PIWIL4: variants seen among roughly 807,000 people sequenced by gnomAD.
The protein encoded by PIWIL4 is piwi like RNA-mediated gene silencing 4, also known as piwi-like protein 4.
A neutral mutation model predicts 100.9 loss-of-function variants in PIWIL4; 50 were observed. The ratio of observed to expected loss-of-function variants is 0.50; its 90% CI spans 0.39 to 0.63. The LOEUF (loss-of-function observed/expected upper bound fraction) is 0.63, where lower values mean the gene tolerates loss of function less well. PIWIL4 is among the 20% of genes least tolerant of loss of function. The probability of loss-of-function intolerance (pLI) is 0.00; values close to 1 mark genes in which losing one functional copy is unlikely to be tolerated. For missense variants in PIWIL4, 887 were observed against 1,043.3 expected (o/e 0.85, Z 2.06); for synonymous variants, 342 against 367.5 (o/e 0.93, Z 0.79).
Position 94,595,532 on chromosome 11 carries a change from T to G in PIWIL4, c.1268+106T>G, listed in dbSNP as rs1159239088. 4.3e-6 allele frequency: 4 copies of G among 929,500 alleles called. No homozygotes were observed. In the African/African-American group the frequency reaches 6.6e-5, roughly 15 times the overall value. The allele number at this position is 929,500 out of a possible 1,614,324, so 57.6% of individuals were successfully genotyped here. On this transcript the variant is annotated intron_variant, in intron 10 of 19. Transcript: ENST00000299001. ...AAGGAAATGTGTCATTCATATTGAT[T>G]CAGAGCAAGGAGCTTTTGAATTGTG...
chr11:94,608,752 G>T lies in PIWIL4; in HGVS notation c.1943+66G>T, dbSNP rs1392321800. ...GACTATTAATTGTGGTTTCACTAAA[G>T]AATGTAACAGCAAGGAATATTTTGT... is the stretch of plus-strand genomic sequence containing the variant. On this transcript the variant is annotated intron_variant, in intron 15 of 19. Transcript: ENST00000299001. The T allele has an allele frequency of 3.1e-6, 4 of 1,311,266 alleles. No homozygotes were observed. The African/African-American group carries it at 5.8e-5, about 19-fold the overall frequency. 81.2% of individuals were successfully genotyped at this position (1,311,266 alleles called of 1,614,324 possible).
intron 2 of PIWIL4, among the ~76,000 whole-genome samples, chr11:94,574,084 TAA>T (rs1948201802): frequency 6.6e-6 from 1 of 152,200 alleles, no homozygotes; most frequent in Non-Finnish European, 1.5e-5. Flanking sequence ...TGTATTTTTA[TAA>T]AGTTATTTTC....
chr11:94,599,223 A>G (rs1209679344), intron 11 of PIWIL4, among the ~76,000 whole-genome samples: 2 of 152,336 alleles, frequency 1.3e-5, no homozygotes, highest in Admixed American at 1.3e-4. Context: ...GATCCATCTC[A>G]TAATTTCTAT....
intron 9 of PIWIL4, among the ~76,000 whole-genome samples, chr11:94,594,193 G>A (rs7942209): frequency 0.06 from 9,119 of 152,164 alleles, 335 homozygotes; most frequent in Middle Eastern, 0.099. Flanking sequence ...AAGGGCCGGC[G>A]TGGTGGCTCA....
chr11:94,570,566 G>GGT, intron 2 of PIWIL4, among the ~76,000 whole-genome samples: 1 of 152,018 alleles, frequency 6.6e-6, no homozygotes, highest in East Asian at 1.9e-4. Context: ...AATTTTGGGG[G>GGT]AACACAGTGT....
rs1179295187 is a variant in PIWIL4, at chr11:94,567,395, G to C, written c.-124G>C. The C allele has an allele frequency of 1.1e-6, 1 of 880,238 alleles. No individual in the cohort carries two copies. Among genetic ancestry groups the C allele is most frequent in the African/African-American group, 1.7e-5 (1 of 58,894 alleles). The allele number at this position is 880,238 out of a possible 1,614,324, so 54.5% of individuals were successfully genotyped here. On this transcript the variant is annotated 5_prime_UTR_variant, in exon 1 of 20. Transcript: ENST00000299001. ...ATTTCCAGCCCCGGCGTTGGTTGTG[G>C]ATGCTGGACATCCACCGCCTCCAGG...
chr11:94,604,595 A>C (rs1948691234), intron 13 of PIWIL4, among the ~76,000 whole-genome samples: 1 of 152,242 alleles, frequency 6.6e-6, no homozygotes, highest in Non-Finnish European at 1.5e-5. Context: ...TTTGGGGCCA[A>C]GGCATGATTA....
intron 9 of PIWIL4, among the ~76,000 whole-genome samples, chr11:94,594,414 C>T (rs905028092): frequency 6.7e-6 from 1 of 150,250 alleles, no homozygotes. Context: ...TGCAGTGAGC[C>T]GCGATCACGC....
intron 12 of PIWIL4, 29 bp from the exon 13 acceptor site, chr11:94,603,955 A>G (rs1591798026): frequency 1.4e-6 from 2 of 1,471,656 alleles, no homozygotes; most frequent in East Asian, 2.3e-5. Context: ...AGGAAGTTAC[A>G]TAGCTTCAAA....
intron 12 of PIWIL4, among the ~76,000 whole-genome samples, chr11:94,603,203 C>A (rs576054935): frequency 4.6e-5 from 7 of 150,990 alleles, no homozygotes; most frequent in African/African-American, 7.4e-5. Context: ...GTTGCTGAGA[C>A]GGTTCGGCCA....
intron 2 of PIWIL4, among the ~76,000 whole-genome samples, chr11:94,572,998 C>A (rs1449448206): frequency 6.6e-6 from 1 of 152,162 alleles, no homozygotes; most frequent in Non-Finnish European, 1.5e-5. Context: ...TTGAAGAGGT[C>A]ATTCACATCC....
At chr11:94,591,951 G>C (rs1021712177) in intron 8 of PIWIL4, among the ~76,000 whole-genome samples, 1 of 151,396 alleles carries the variant, frequency 6.6e-6, no homozygotes, top group African/African-American at 2.5e-5. Context: ...TAGAGTTCTT[G>C]ACCATGCTCC....
intron 12 of PIWIL4, among the ~76,000 whole-genome samples, chr11:94,602,627 GT>G (rs1948658512): frequency 6.6e-6 from 1 of 152,120 alleles, no homozygotes; most frequent in Non-Finnish European, 1.5e-5. Flanking sequence ...AATAAATACT[GT>G]TTTGCTTTAG....
At chr11:94,614,370 C>A (rs1045268678) in intron 15 of PIWIL4, among the ~76,000 whole-genome samples, 1 of 140,858 alleles carries the variant, frequency 7.1e-6, no homozygotes. Flanking sequence ...TGTGGTGGTG[C>A]GATCTCAGCT....
At chr11:94,570,435 C>CA (rs1306327167) in intron 2 of PIWIL4, among the ~76,000 whole-genome samples, 1 of 151,914 alleles carries the variant, frequency 6.6e-6, no homozygotes, top group Non-Finnish European at 1.5e-5. Context: ...CTTATGACAA[C>CA]AGTCATACTG....
intron 4 of PIWIL4, among the ~76,000 whole-genome samples, chr11:94,577,751 T>C (rs1222031205): frequency 6.6e-6 from 1 of 152,230 alleles, no homozygotes; most frequent in Non-Finnish European, 1.5e-5. Context: ...ACCACATCAG[T>C]GCAGTCTTTT....
intron 4 of PIWIL4, among the ~76,000 whole-genome samples, chr11:94,581,850 C>A (rs1359239989): frequency 2.6e-5 from 4 of 152,192 alleles, no homozygotes; most frequent in Non-Finnish European, 5.9e-5. Context: ...CCACATCACA[C>A]CAGCTGTAAG....
intron 8 of PIWIL4, among the ~76,000 whole-genome samples, chr11:94,589,738 A>G (rs887455344): frequency 2.6e-5 from 4 of 151,750 alleles, no homozygotes; most frequent in Non-Finnish European, 5.9e-5. Flanking sequence ...ACCCTTGCAT[A>G]CTCAGCTCAG....
At chr11:94,574,561 G>A (rs1428954529) in intron 2 of PIWIL4, among the ~76,000 whole-genome samples, 1 of 152,152 alleles carries the variant, frequency 6.6e-6, no homozygotes, top group Non-Finnish European at 1.5e-5. Context: ...GAGTGCGGGC[G>A]TGACCATGGC....
Sources: gnomAD v4.1 joint callset for allele counts (sites outside exome capture counted in the v4.1 genomes callset) on GRCh38, gnomAD v4.1.1 for gene constraint, MANE v1.5 for transcripts, NCBI Gene and HGNC (gene_info 2026-07-23, HGNC 2026-07-21) for gene names.